TMEFF2: variants seen among roughly 807,000 people sequenced by gnomAD.
TMEFF2 encodes transmembrane protein with EGF like and two follistatin like domains 2, also known as tomoregulin-2.
In TMEFF2, 28 loss-of-function variants were observed where a neutral mutation model predicts 53.8. The observed-to-expected ratio is 0.52, with a 90% CI of 0.39 to 0.71. The LOEUF (loss-of-function observed/expected upper bound fraction) is 0.71. TMEFF2 is among the 30% of genes least tolerant of loss of function. TMEFF2 has a pLI of 0.00. For missense variants in TMEFF2, 353 were observed against 455.2 expected (o/e 0.78, Z 2.04); for synonymous variants, 162 against 166.3 (o/e 0.97, Z 0.20).
chr2:192,175,333 G>T (rs1409886703), intron 4 of TMEFF2, among the ~76,000 whole-genome samples: 1 of 151,620 alleles, frequency 6.6e-6, no homozygotes, highest in African/African-American at 2.4e-5. Flanking sequence ...TCTACAATGT[G>T]TTGCCATGTA....
At chr2:192,055,921 C>T (rs185735136) in intron 5 of TMEFF2, among the ~76,000 whole-genome samples, 69 of 152,182 alleles carry the variant, frequency 4.5e-4, no homozygotes, top group Admixed American at 9.8e-4. Context: ...AAGTGTTTGA[C>T]AGGCATGAAA....
In TMEFF2 at chr2:191,996,299, G is replaced by C. The variant is rs115415248; in HGVS notation, c.745+1963C>G. Among the ~76,000 whole-genome samples the C allele has an allele frequency of 1.8e-3, 269 of 152,004 alleles. 1 individual carries two copies. The highest frequency in any genetic ancestry group is 6.2e-3 in the African/African-American group (256 of 41,514). ...GTTTCAGGAACAAAATTCTCAGGGAGAGGCTTGATTTTTCAATGAGTACAA... is the reference window on the plus strand; with the variant it reads ...GTTTCAGGAACAAAATTCTCAGGGACAGGCTTGATTTTTCAATGAGTACAA... On this transcript the variant is annotated intron_variant, in intron 7 of 9. Coordinates refer to ENST00000272771, the MANE Select transcript of TMEFF2 (RefSeq NM_016192.4).
intron 4 of TMEFF2, among the ~76,000 whole-genome samples, chr2:192,111,281 C>T (rs145382017): frequency 1.2e-3 from 185 of 152,200 alleles, no homozygotes; most frequent in Non-Finnish European, 1.9e-3. Flanking sequence ...TGGCTTTGAT[C>T]AAAATGCTGA....
At chr2:192,169,965 T>C (rs1269649094) in intron 4 of TMEFF2, among the ~76,000 whole-genome samples, 1 of 89,432 alleles carries the variant, frequency 1.1e-5, no homozygotes, top group Admixed American at 1.1e-4. Context: ...CACCCCACTA[T>C]TTAAGATGCA....
At chr2:192,011,611 T>G (rs1481212994) in intron 5 of TMEFF2, among the ~76,000 whole-genome samples, 1 of 152,248 alleles carries the variant, frequency 6.6e-6, no homozygotes, top group Non-Finnish European at 1.5e-5. Flanking sequence ...AATATGTTTT[T>G]TTAAATGGGT....
intron 5 of TMEFF2, among the ~76,000 whole-genome samples, chr2:192,041,962 G>A (rs1332439576): frequency 6.6e-6 from 1 of 152,042 alleles, no homozygotes; most frequent in East Asian, 1.9e-4. Context: ...GTAATCCCAT[G>A]GGCTGGGGGA....
chr2:192,112,997 G>A (rs567039776), intron 4 of TMEFF2, among the ~76,000 whole-genome samples: 49 of 152,182 alleles, frequency 3.2e-4, no homozygotes, highest in African/African-American at 1.2e-3. Flanking sequence ...ACCCAGTCTT[G>A]GGTTGTCTTT....
At chr2:191,958,617 T>C (rs1391675567) in intron 7 of TMEFF2, among the ~76,000 whole-genome samples, 1 of 152,222 alleles carries the variant, frequency 6.6e-6, no homozygotes, top group Non-Finnish European at 1.5e-5. Context: ...GGCTGCTGCC[T>C]TAGTGTGGTA....
intron 4 of TMEFF2, among the ~76,000 whole-genome samples, chr2:192,142,462 AT>A (rs1389753901): frequency 6.6e-6 from 1 of 152,134 alleles, no homozygotes; most frequent in Non-Finnish European, 1.5e-5. Context: ...AGATGCTAAA[AT>A]TTTATCTGAA....
chr2:192,035,897 T>C (rs1687279698), intron 5 of TMEFF2, among the ~76,000 whole-genome samples: 1 of 152,202 alleles, frequency 6.6e-6, no homozygotes, highest in South Asian at 2.1e-4. Flanking sequence ...TCCATTATTC[T>C]TCTCAGTGCT....
rs1415331196 is a variant in TMEFF2, at chr2:192,130,717, ACT to A, written c.439+48949_439+48950del. Among the ~76,000 whole-genome samples the A allele has an allele frequency of 5.3e-5, 8 of 151,108 alleles. No homozygotes were observed. In the South Asian group the frequency reaches 6.3e-4, roughly 12 times the overall value. ...GCCCCACCCCTATCTCCCTTCGCTG[ACT>A]CTCTTTTCAGACTCAGCCCGCCTGC... is the stretch of plus-strand genomic sequence containing the variant. On this transcript the variant is annotated intron_variant, in intron 4 of 9. Coordinates refer to ENST00000272771, the MANE Select transcript of TMEFF2 (RefSeq NM_016192.4).
chr2:192,016,696 A>G (rs529418276), intron 5 of TMEFF2, among the ~76,000 whole-genome samples: 86 of 152,350 alleles, frequency 5.6e-4, no homozygotes, highest in African/African-American at 2.0e-3. Context: ...CCTCAAATGA[A>G]ATGAGGAAAA....
intron 5 of TMEFF2, chr2:192,031,334 C>T (rs1428309124): frequency 2.0e-5 from 3 of 152,120 alleles, no homozygotes; most frequent in Non-Finnish European, 2.9e-5. Flanking sequence ...CTTTGTAGCT[C>T]CAGTGCCTGG....
intron 4 of TMEFF2, among the ~76,000 whole-genome samples, chr2:192,166,270 C>G (rs539999341): frequency 1.3e-5 from 2 of 152,200 alleles, no homozygotes; most frequent in South Asian, 4.1e-4. Flanking sequence ...GGGAATTGTT[C>G]TTACAGAGAG....
At chr2:191,974,243 A>G (rs973236597) in intron 7 of TMEFF2, among the ~76,000 whole-genome samples, 1 of 152,176 alleles carries the variant, frequency 6.6e-6, no homozygotes, top group South Asian at 2.1e-4. Flanking sequence ...TGTGAAAGCT[A>G]TAGATAATTG....
chr2:192,091,071 G>A (rs1398054571), intron 4 of TMEFF2, among the ~76,000 whole-genome samples: 1 of 152,090 alleles, frequency 6.6e-6, no homozygotes, highest in Non-Finnish European at 1.5e-5. Context: ...TTCACCTCCA[G>A]TCCTCTGGAC....
chr2:192,056,720 C>T (rs1005846387), intron 5 of TMEFF2, among the ~76,000 whole-genome samples: 18 of 152,070 alleles, frequency 1.2e-4, no homozygotes, highest in African/African-American at 4.3e-4. Context: ...ATCCTAACCC[C>T]CAAGATGATA....
chr2:192,098,212 C>A (rs1688958337), intron 4 of TMEFF2, among the ~76,000 whole-genome samples: 1 of 152,104 alleles, frequency 6.6e-6, no homozygotes, highest in Non-Finnish European at 1.5e-5. Context: ...CAGTGAGTGC[C>A]AGGTAACATT....
intron 4 of TMEFF2, among the ~76,000 whole-genome samples, chr2:192,121,489 A>G (rs1689553106): frequency 6.6e-6 from 1 of 152,188 alleles, no homozygotes; most frequent in Non-Finnish European, 1.5e-5. Flanking sequence ...TAGGGGCAAG[A>G]TAAGGCTAAA....
Sources: gnomAD v4.1 joint callset for allele counts (sites outside exome capture counted in the v4.1 genomes callset) on GRCh38, gnomAD v4.1.1 for gene constraint, MANE v1.5 for transcripts, NCBI Gene and HGNC (gene_info 2026-07-23, HGNC 2026-07-21) for gene names.